The following ALDH1L1 variants were observed in gnomAD, a reference collection of about 807,000 sequenced individuals.
ALDH1L1 encodes the protein aldehyde dehydrogenase 1 family member L1.
In ALDH1L1, 68 loss-of-function variants were observed where a neutral mutation model predicts 101.1. The observed-to-expected ratio is 0.67, with a 90% CI of 0.55 to 0.82. The LOEUF is 0.82. Among genes scored for constraint, ALDH1L1 ranks in the 40% least tolerant of loss-of-function variants. The pLI is 0.00. For missense variants in ALDH1L1, 1,087 were observed against 1,172.7 expected (o/e 0.93, Z 1.07); for synonymous variants, 486 against 470.8 (o/e 1.03, Z -0.42).
At chr3:126,192,432 G>T (rs1310031947) in intron 1 of ALDH1L1, among the ~76,000 whole-genome samples, 26 of 152,212 alleles carry the variant, frequency 1.7e-4, no homozygotes, top group Admixed American at 1.7e-3. Context: ...AAAGGAAGAA[G>T]CCTATAAACA....
At chr3:126,171,476 C>T (rs2108325754) in intron 1 of ALDH1L1, among the ~76,000 whole-genome samples, 1 of 152,300 alleles carries the variant, frequency 6.6e-6, no homozygotes, top group Admixed American at 6.5e-5. Flanking sequence ...GAGAGTGTGC[C>T]TCTGACCTAA....
chr3:126,145,784 T>C (rs943622830), intron 9 of ALDH1L1, among the ~76,000 whole-genome samples: 1 of 152,346 alleles, frequency 6.6e-6, no homozygotes, highest in East Asian at 1.9e-4. Context: ...AATCCTACAA[T>C]ATACAGCTAT....
intron 1 of ALDH1L1, among the ~76,000 whole-genome samples, chr3:126,197,190 T>C (rs190884772): frequency 6.6e-6 from 1 of 152,342 alleles, no homozygotes; most frequent in African/African-American, 2.4e-5. Context: ...TTATTTGGAA[T>C]GTACCACTGT....
At chr3:126,137,691 G>A (rs2080476604) in intron 10 of ALDH1L1, 122 bp downstream of exon 10, 2 of 1,372,304 alleles carry the variant, frequency 1.5e-6, no homozygotes, top group Non-Finnish European at 2.0e-6. Context: ...GGAAACTGAA[G>A]GGTGGGCTCC....
intron 19 of ALDH1L1, among the ~76,000 whole-genome samples, chr3:126,111,797 T>C (rs1462664323): frequency 6.6e-6 from 1 of 152,200 alleles, no homozygotes; most frequent in Non-Finnish European, 1.5e-5. Context: ...CACTATCCAC[T>C]GGGATTAGAT....
chr3:126,130,435 G>C (rs1355162387), intron 13 of ALDH1L1, 142 bp from the exon 14 acceptor site: 3 of 651,460 alleles, frequency 4.6e-6, no homozygotes, highest in Non-Finnish European at 6.9e-6. Flanking sequence ...AGACAGGCAG[G>C]GGGGCAGCCA....
intron 1 of ALDH1L1, among the ~76,000 whole-genome samples, chr3:126,189,655 A>G (rs1374804): frequency 0.62 from 94,735 of 152,130 alleles, 29,573 homozygotes; most frequent in Middle Eastern, 0.67. Flanking sequence ...TTCTCAGCTC[A>G]TGGATCATGG....
At position 126,160,908 on chromosome 3, in the gene ALDH1L1, G is replaced by A. The variant is rs562657915; in HGVS notation, c.72C>T (p.His24=). ...GAACAGTGAACACACCCACCACTTC[G>A]TGGCCCTCCTTCCTCAGGTGGCAGT... ...EVYCHLRKEG[H]EVVGVFTVPD... is the part of the protein sequence containing the mutation. Residue 24 remains histidine, a synonymous_variant, in exon 2 of 23, where the codon CAC becomes CAT. Coordinates refer to ENST00000393434, the MANE Select transcript of ALDH1L1 (RefSeq NM_012190.4). 51 of 1,614,230 alleles carry A rather than the reference G, an allele frequency of 3.2e-5. No individual in the cohort carries two copies. Among genetic ancestry groups the A allele is most frequent in the African/African-American group, 8.0e-5 (6 of 75,062 alleles).
chr3:126,154,790 G>T, intron 5 of ALDH1L1, 147 bp from the exon 6 acceptor site: 1 of 684,774 alleles, frequency 1.5e-6, no homozygotes, highest in Admixed American at 2.3e-5. Flanking sequence ...CTGAGCTGGT[G>T]CCCCTAGTTC....
At chr3:126,171,486 A>T (rs996273365) in intron 1 of ALDH1L1, among the ~76,000 whole-genome samples, 1 of 152,036 alleles carries the variant, frequency 6.6e-6, no homozygotes, top group Non-Finnish European at 1.5e-5. Flanking sequence ...CTCTGACCTA[A>T]CTTGGCCAGA....
At chr3:126,162,322 T>G (rs1359065536) in intron 1 of ALDH1L1, among the ~76,000 whole-genome samples, 1 of 152,244 alleles carries the variant, frequency 6.6e-6, no homozygotes, top group Non-Finnish European at 1.5e-5. Context: ...TCCACTTCCA[T>G]GTGCTCTCCA....
chr3:126,130,458 G>A lies in ALDH1L1; in HGVS notation c.1624-165C>T, dbSNP rs369627720. Among the ~76,000 whole-genome samples, 19 of 152,376 alleles carry A rather than the reference G, an allele frequency of 1.2e-4. No homozygotes were observed. In the East Asian group the frequency reaches 2.1e-3, roughly 17 times the overall value. Reference sequence around the variant, plus strand: ...AGGGGGGCAGCCAGAGGGGCAAGGTGTTTGCTCCACTCTGAGCCTGGCAGG... The same window carrying A: ...AGGGGGGCAGCCAGAGGGGCAAGGTATTTGCTCCACTCTGAGCCTGGCAGG... On this transcript the variant is annotated intron_variant, in intron 13 of 22. Coordinates refer to ENST00000393434, the MANE Select transcript of ALDH1L1 (RefSeq NM_012190.4).
chr3:126,164,413 C>T (rs1393246123), intron 1 of ALDH1L1, among the ~76,000 whole-genome samples: 1 of 152,128 alleles, frequency 6.6e-6, no homozygotes, highest in African/African-American at 2.4e-5. Flanking sequence ...GTCTGTTGTT[C>T]CCATTTTATG....
At chr3:126,180,973 T>A, upstream of ALDH1L1, 1 of 1,610,798 alleles carries the variant, frequency 6.2e-7, no homozygotes, top group African/African-American at 1.3e-5. Context: ...TGCCATGTGC[T>A]ACGGACACAG....
chr3:126,177,072 G>A (rs2081375931), intron 1 of ALDH1L1, among the ~76,000 whole-genome samples: 1 of 152,228 alleles, frequency 6.6e-6, no homozygotes, highest in South Asian at 2.1e-4. Context: ...TGATGAGGCT[G>A]TGGAGCAACA....
At chr3:126,138,992 T>C (rs1054642033) in intron 9 of ALDH1L1, among the ~76,000 whole-genome samples, 1 of 152,226 alleles carries the variant, frequency 6.6e-6, no homozygotes, top group Non-Finnish European at 1.5e-5. Context: ...TCATAAGATA[T>C]TGGCTGTCAC....
Position 126,154,785 on chromosome 3 carries a change from C to T in ALDH1L1, c.631-142G>A, listed in dbSNP as rs1036484739. On this transcript the variant is annotated intron_variant, in intron 5 of 22. Transcript: ENST00000393434. The stretch of plus-strand genomic sequence containing the variant: ...TTAGACACTTGCAGGAGTCCCTGAG[C>T]TGGTGCCCCTAGTTCTGGGTGCTCT... 1.0e-5 allele frequency: 7 copies of T among 694,332 alleles called. No individual in the cohort carries two copies. The African/African-American group carries it at 1.2e-4, about 12-fold the overall frequency. 43.0% of individuals were successfully genotyped at this position (694,332 alleles called of 1,614,324 possible). A position where few individuals can be genotyped will look rare whatever the true frequency, so the allele number is the denominator to read the frequency against.
Position 126,117,996 on chromosome 3 carries a change from G to A in ALDH1L1, c.1982+9C>T, listed in dbSNP as rs1275350410. ...CAGCCCCTCCTCTGCTCCACCCCCA[G>A]CCACGCACCTTTTCATGATGTGCTT... On this transcript the variant is annotated intron_variant, in intron 17 of 22. Coordinates refer to ENST00000393434, the MANE Select transcript of ALDH1L1 (RefSeq NM_012190.4). 3 of 1,611,090 alleles carry A rather than the reference G, an allele frequency of 1.9e-6. No homozygotes were observed. The highest frequency in any genetic ancestry group is 2.5e-6 in the Non-Finnish European group (3 of 1,178,744).
chr3:126,117,166 G>A (rs1237286642), intron 17 of ALDH1L1, among the ~76,000 whole-genome samples: 1 of 150,748 alleles, frequency 6.6e-6, no homozygotes, highest in East Asian at 2.0e-4. Flanking sequence ...GATCGCATGA[G>A]CCAGGGAGGC....
Sources: gnomAD v4.1 joint callset for allele counts (sites outside exome capture counted in the v4.1 genomes callset) on GRCh38, gnomAD v4.1.1 for gene constraint, MANE v1.5 for transcripts, NCBI Gene and HGNC (gene_info 2026-07-23, HGNC 2026-07-21) for gene names.